Variants in RBM47 observed in about 807,000 individuals in gnomAD.
The protein encoded by RBM47 is RNA-binding protein 47.
Under a neutral mutation model 47.1 loss-of-function variants are expected in RBM47, and 21 were observed. That is an observed-to-expected ratio of 0.45 (90% confidence interval 0.32 to 0.64). RBM47 has a LOEUF of 0.64. RBM47 is among the 30% of genes least tolerant of loss of function. The pLI is 0.05. For missense variants in RBM47, 708 were observed against 870.9 expected, an observed-to-expected ratio of 0.81 and a Z score of 2.35; for synonymous variants, 375 against 361.7, an observed-to-expected ratio of 1.04 and a Z score of -0.42.
rs201408070 is a variant in RBM47, at chr4:40,486,069, CAAAAAAAAAAA to C, written c.-154-19381_-154-19371del. On this transcript the variant is annotated intron_variant, in intron 2 of 6. Transcript: ENST00000295971. ...TGGACAACAGAGCAAAACCCTGTTTCAAAAAAAAAAAAAAAAAAAAAAAAAAAAGAGCTTAG... is the reference window on the plus strand; with the variant it reads ...TGGACAACAGAGCAAAACCCTGTTTCAAAAAAAAAAAAAAAAAGAGCTTAG... 2.6e-3 allele frequency among the ~76,000 whole-genome samples: 166 copies of C among 62,834 alleles called. 2 individuals carry two copies. In the South Asian group the frequency reaches 0.032, roughly 12 times the overall value. 41.2% of individuals were successfully genotyped at this position (62,834 alleles called of 152,430 possible).
intron 1 of RBM47, among the ~76,000 whole-genome samples, chr4:40,573,663 G>A (rs1371719563): frequency 6.6e-6 from 1 of 151,840 alleles, no homozygotes; most frequent in Non-Finnish European, 1.5e-5. Context: ...CCGGGAGGCA[G>A]AGGTTGGTGT....
chr4:40,603,439 T>C (rs79311760), intron 1 of RBM47, among the ~76,000 whole-genome samples: 1,966 of 152,296 alleles, frequency 0.013, 41 homozygotes, highest in African/African-American at 0.045. Context: ...GGTGAACATA[T>C]GTATAAATTT....
intron 1 of RBM47, among the ~76,000 whole-genome samples, chr4:40,593,219 CG>C (rs1368247546): frequency 1.3e-5 from 2 of 148,742 alleles, no homozygotes; most frequent in East Asian, 4.1e-4. Flanking sequence ...AGAAGGGTCT[CG>C]ATCTCCTGAC....
intron 1 of RBM47, among the ~76,000 whole-genome samples, chr4:40,592,981 T>TA (rs1734383093): frequency 1.4e-4 from 2 of 14,186 alleles, no homozygotes; most frequent in African/African-American, 3.2e-4. Context: ...ATATATATAT[T>TA]TTTTTTTTTT....
chr4:40,501,826 T>C (rs1723413119), intron 2 of RBM47, among the ~76,000 whole-genome samples: 1 of 152,186 alleles, frequency 6.6e-6, no homozygotes, highest in Non-Finnish European at 1.5e-5. Flanking sequence ...ATTAGAAATG[T>C]GTGATCAACT....
chr4:40,437,151 AAAATACATATATATATATAT>A lies in RBM47; in HGVS notation c.1124-524_1124-505del, dbSNP rs1560357664. Among the ~76,000 whole-genome samples, 408 of 48,098 alleles carry A rather than the reference AAAATACATATATATATATAT, an allele frequency of 8.5e-3. 7 individuals are homozygous for A. Among genetic ancestry groups the A allele is most frequent in the Middle Eastern group, 0.023 (2 of 86 alleles). 31.6% of individuals were successfully genotyped at this position (48,098 alleles called of 152,430 possible). A position where few individuals can be genotyped will look rare whatever the true frequency, so the allele number is the denominator to read the frequency against. On this transcript the variant is annotated intron_variant, in intron 4 of 6. Transcript: ENST00000295971. ...ATATATAAAATACATATATATATAT[AAAATACATATATATATATAT>A]AATACATATATATATACTATTAAAT... is the stretch of plus-strand genomic sequence containing the variant.
chr4:40,432,952 AT>A (rs1221190981), intron 5 of RBM47, 90 bp from the exon 6 acceptor site: 3 of 1,490,076 alleles, frequency 2.0e-6, no homozygotes, highest in East Asian at 2.6e-5. Flanking sequence ...TTTTATTTTT[AT>A]TTTTTTAAAA....
intron 3 of RBM47, among the ~76,000 whole-genome samples, chr4:40,448,770 T>A (rs1714945222): frequency 6.6e-6 from 1 of 152,200 alleles, no homozygotes; most frequent in African/African-American, 2.4e-5. Flanking sequence ...GTTTGGCAAT[T>A]ATTATTATTA....
intron 1 of RBM47, among the ~76,000 whole-genome samples, chr4:40,563,191 AAAATAAAT>A (rs879379206): frequency 2.0e-5 from 3 of 152,168 alleles, no homozygotes; most frequent in African/African-American, 7.2e-5. Context: ...ACTCCATCTC[AAAATAAAT>A]AAATAAATAA....
intron 3 of RBM47, among the ~76,000 whole-genome samples, chr4:40,442,691 T>A (rs1713840784): frequency 6.6e-6 from 1 of 152,218 alleles, no homozygotes; most frequent in Admixed American, 6.5e-5. Context: ...CTTTTGCTTT[T>A]TTTTTAGACA....
chr4:40,523,420 A>C (rs1429053335), intron 2 of RBM47, among the ~76,000 whole-genome samples: 1 of 151,942 alleles, frequency 6.6e-6, no homozygotes, highest in Non-Finnish European at 1.5e-5. Flanking sequence ...GGAGGCCAAG[A>C]CGGGCAGATA....
intron 2 of RBM47, among the ~76,000 whole-genome samples, chr4:40,528,114 C>T (rs1417975297): frequency 6.6e-6 from 1 of 152,132 alleles, no homozygotes; most frequent in Non-Finnish European, 1.5e-5. Context: ...AAGATTACTG[C>T]CCATAGAAAT....
Position 40,484,201 on chromosome 4 carries a change from G to A in RBM47, c.-154-17502C>T, listed in dbSNP as rs377378226. On this transcript the variant is annotated intron_variant, in intron 2 of 6. Transcript: ENST00000295971. ...ATATAACAAAATATTGACAGTGGTC[G>A]TCTCTGGAGAGTAAGAATATGAATA... Among the ~76,000 whole-genome samples the A allele has an allele frequency of 1.3e-3, 192 of 152,242 alleles. 1 individual carries two copies. Among genetic ancestry groups the A allele is most frequent in the African/African-American group, 4.0e-3 (167 of 41,536 alleles).
At chr4:40,433,294 T>C (rs1711652843) in intron 5 of RBM47, among the ~76,000 whole-genome samples, 1 of 152,156 alleles carries the variant, frequency 6.6e-6, no homozygotes, top group Non-Finnish European at 1.5e-5. Flanking sequence ...TTAGAGGTCC[T>C]GGGCCTCTCC....
chr4:40,446,587 A>G (rs1714554672), intron 3 of RBM47, among the ~76,000 whole-genome samples: 1 of 151,934 alleles, frequency 6.6e-6, no homozygotes, highest in South Asian at 2.1e-4. Flanking sequence ...AAATTTAAAA[A>G]ATTAGCTGGG....
At chr4:40,486,831 T>C (rs1283412282) in intron 2 of RBM47, among the ~76,000 whole-genome samples, 4 of 152,240 alleles carry the variant, frequency 2.6e-5, no homozygotes, top group African/African-American at 9.6e-5. Context: ...AAGGCATTTA[T>C]GCAACATTCA....
At chr4:40,486,728 T>C (rs1721137556) in intron 2 of RBM47, among the ~76,000 whole-genome samples, 1 of 152,206 alleles carries the variant, frequency 6.6e-6, no homozygotes, top group Non-Finnish European at 1.5e-5. Flanking sequence ...TTGAGCAACC[T>C]TGACTGTGAT....
intron 2 of RBM47, among the ~76,000 whole-genome samples, chr4:40,481,680 T>C (rs946834870): frequency 2.0e-5 from 3 of 151,570 alleles, no homozygotes; most frequent in Admixed American, 6.6e-5. Flanking sequence ...GCCTCTAGAG[T>C]AACCGGGATT....
chr4:40,561,302 G>A (rs1420663138), intron 1 of RBM47, among the ~76,000 whole-genome samples: 2 of 147,884 alleles, frequency 1.4e-5, no homozygotes, highest in Admixed American at 1.4e-4. Flanking sequence ...TGCAATCTCG[G>A]CTCACTGCGA....
Sources: gnomAD v4.1 joint callset for allele counts (sites outside exome capture counted in the v4.1 genomes callset) on GRCh38, gnomAD v4.1.1 for gene constraint, MANE v1.5 for transcripts, NCBI Gene and HGNC (gene_info 2026-07-23, HGNC 2026-07-21) for gene names.